HERC2: variants seen among roughly 807,000 people sequenced by gnomAD.
HERC2 encodes the protein E3 ubiquitin-protein ligase HERC2.
A neutral mutation model predicts 537.7 loss-of-function variants in HERC2; 102 were observed. That is an observed-to-expected ratio of 0.19 (90% CI 0.16 to 0.22). HERC2 has a LOEUF of 0.22. HERC2 is among the 10% of genes least tolerant of loss of function. The pLI is 1.00. For synonymous variants in HERC2, 2,224 were observed against 2,466.2 expected (o/e 0.90, Z 2.91); for missense variants, 4,236 against 6,198.2 (o/e 0.68, Z 10.63).
chr15:28,113,325 C>T lies in HERC2; in HGVS notation c.14020-42G>A, dbSNP rs1040250227. The T allele has an allele frequency of 2.5e-6, 4 of 1,586,644 alleles. No homozygotes were observed. The African/African-American group carries it at 4.0e-5, about 16-fold the overall frequency. On this transcript the variant is annotated intron_variant, in intron 91 of 92. Coordinates refer to ENST00000261609, the MANE Select transcript of HERC2 (RefSeq NM_004667.6). The surrounding 1 kb of genome is among the most constrained non-coding windows in gnomAD (Gnocchi z 7.0). Reference sequence around the variant, plus strand: ...GTCAGGGCCGCGTGATGCTTCCCACCCTGGCATTTCCGCAAGACTCCGTCA... The same window carrying T: ...GTCAGGGCCGCGTGATGCTTCCCACTCTGGCATTTCCGCAAGACTCCGTCA...
chr15:28,115,353 C>A, intron 89 of HERC2, 76 bp downstream of exon 89: 1 of 960,628 alleles, frequency 1.0e-6, no homozygotes. Flanking sequence ...GAGTTCACAG[C>A]CTGACCGGAC....
intron 21 of HERC2, among the ~76,000 whole-genome samples, chr15:28,247,622 G>T (rs1414438265): frequency 1.2e-4 from 18 of 151,896 alleles, no homozygotes. Flanking sequence ...TAGAGACGGG[G>T]TTTCACTATG....
chr15:28,186,487 GAC>G, intron 56 of HERC2, 88 bp downstream of exon 56: 1 of 1,031,096 alleles, frequency 9.7e-7, no homozygotes, highest in Non-Finnish European at 1.4e-6. Flanking sequence ...CTCAGTATGA[GAC>G]ACATTCTAAT....
At chr15:28,267,002 T>A (rs932751690) in intron 12 of HERC2, among the ~76,000 whole-genome samples, 14 of 152,214 alleles carry the variant, frequency 9.2e-5, no homozygotes, top group African/African-American at 3.4e-4. Context: ...ACTTTACAAA[T>A]GAAAAGTATG....
intron 39 of HERC2, 108 bp downstream of exon 39, chr15:28,215,513 A>G (rs1452267787): frequency 2.5e-6 from 2 of 812,738 alleles, no homozygotes; most frequent in East Asian, 2.7e-5. Context: ...TCACTTCTAG[A>G]CCCTTTCTGC....
At chr15:28,137,989 T>C (rs10162844) in intron 78 of HERC2, among the ~76,000 whole-genome samples, 5,631 of 152,306 alleles carry the variant, frequency 0.037, 331 homozygotes, top group African/African-American at 0.13. Flanking sequence ...TAGAGAATGT[T>C]TGGCATAGAC....
At position 28,209,623 on chromosome 15, in the gene HERC2, A is replaced by G. The variant is rs187673417; in HGVS notation, c.7069+1379T>C. Among the ~76,000 whole-genome samples, 329 of 152,256 alleles carry G rather than the reference A, an allele frequency of 2.2e-3. 2 individuals are homozygous for G. The highest frequency in any genetic ancestry group is 5.0e-3 in the South Asian group (24 of 4,820). On this transcript the variant is annotated intron_variant, in intron 44 of 92. Coordinates refer to ENST00000261609, the MANE Select transcript of HERC2 (RefSeq NM_004667.6). ...CTCCCAAAGTGCTGGGATTACAGGC[A>G]TGAGCCACCGCGCCAGGCCTATATA... is the stretch of plus-strand genomic sequence containing the variant.
chr15:28,124,286 G>T, intron 84 of HERC2, 52 bp from the exon 85 acceptor site: 2 of 1,209,664 alleles, frequency 1.7e-6, no homozygotes, highest in Non-Finnish European at 2.2e-6. Flanking sequence ...GCACACGGGG[G>T]CCAGTGTGGC....
chr15:28,249,515 G>A (rs1019699690), intron 20 of HERC2, among the ~76,000 whole-genome samples: 1 of 152,206 alleles, frequency 6.6e-6, no homozygotes, highest in Non-Finnish European at 1.5e-5. Context: ...CAAGAAACAA[G>A]GGCAGGAGAA....
At chr15:28,140,591 G>A (rs1891120648) in intron 78 of HERC2, among the ~76,000 whole-genome samples, 1 of 151,624 alleles carries the variant, frequency 6.6e-6, no homozygotes, top group South Asian at 2.1e-4. Context: ...GTGTGATCTC[G>A]GCTCACTGCA....
Position 28,220,506 on chromosome 15 carries a change from G to C in HERC2, c.5791C>G (p.Leu1931Val). The C allele has an allele frequency of 6.2e-7, 1 of 1,603,728 alleles. No homozygotes were observed. Among genetic ancestry groups the C allele is most frequent in the South Asian group, 1.1e-5 (1 of 90,994 alleles). The change falls in exon 37 of 93, where the codon CTG becomes GTG. Residue 1931 changes from leucine to valine, a missense_variant. Leu to Val is a conservative substitution (Grantham distance 32, BLOSUM62 1). Around this residue, in one of 27 missense-constraint regions of HERC2, gnomAD observed 365 missense variants for 468.8 expected, o/e 0.78. Transcript: ENST00000261609. ...GCTGAGGGCTGTGCAGCAGCCGGCA[G>C]CTCTGCCAGCTTGAGGTCGTATTTT... ...EGKYDLKLAE[L>V]PAAAQPSAED...
At chr15:28,162,839 C>G (rs1398539643) in intron 69 of HERC2, among the ~76,000 whole-genome samples, 1 of 152,144 alleles carries the variant, frequency 6.6e-6, no homozygotes, top group Non-Finnish European at 1.5e-5. Flanking sequence ...TGCAGTGAGT[C>G]GAGATGGCGC....
At position 28,214,821 on chromosome 15, in the gene HERC2, T is replaced by C. The variant is rs747642471; in HGVS notation, c.6211-19A>G. ...CTAAGATCTGATAAAAGAAAATTTA[T>C]AACGACAAGCATTAAAAAAAATCTG... On this transcript the variant is annotated intron_variant, in intron 39 of 92. Coordinates refer to ENST00000261609, the MANE Select transcript of HERC2 (RefSeq NM_004667.6). 1.3e-6 allele frequency: 2 copies of C among 1,596,530 alleles called. No homozygotes were observed. The highest frequency in any genetic ancestry group is 1.1e-5 in the South Asian group (1 of 88,954).
Position 28,176,652 on chromosome 15 carries a change from C to T in HERC2, c.9514+35G>A. 1.2e-6 allele frequency: 2 copies of T among 1,613,868 alleles called. No homozygotes were observed. The highest frequency in any genetic ancestry group is 1.7e-6 in the Non-Finnish European group (2 of 1,179,818). Reference sequence around the variant, plus strand: ...GGCCAGCGTTTCATATCATTCCTACCCACCCAGAAGCACAGAATCCTGCCA... The same window carrying T: ...GGCCAGCGTTTCATATCATTCCTACTCACCCAGAAGCACAGAATCCTGCCA... On this transcript the variant is annotated intron_variant, in intron 62 of 92. Transcript: ENST00000261609. The surrounding 1 kb of genome is among the most constrained non-coding windows in gnomAD (Gnocchi z 5.0).
chr15:28,277,268 T>C (rs1015830118), intron 5 of HERC2, among the ~76,000 whole-genome samples: 2 of 151,586 alleles, frequency 1.3e-5, no homozygotes, highest in Admixed American at 1.3e-4. Context: ...CCTGAAAAAA[T>C]TGCAAAGAAA....
rs192002103 is a variant in HERC2 at position 28,208,122 on chromosome 15, C to G, written c.7070-1740G>C. On this transcript the variant is annotated intron_variant, in intron 44 of 92. Transcript: ENST00000261609. ...GGGAAATCTTCATGTTCCCTATAAC[C>G]TCTACTATTAATTGATTCTATACTT... 6.3e-3 allele frequency among the ~76,000 whole-genome samples: 961 copies of G among 152,272 alleles called. 11 individuals are homozygous for G. The highest frequency in any genetic ancestry group is 0.021 in the African/African-American group (884 of 41,550).
intron 12 of HERC2, among the ~76,000 whole-genome samples, chr15:28,266,207 T>C (rs574083291): frequency 1.3e-5 from 2 of 152,092 alleles, no homozygotes; most frequent in African/African-American, 2.4e-5. Context: ...AATATAAAAA[T>C]AGTGTTTGTT....
chr15:28,320,967 A>T (rs1223764435), intron 2 of HERC2, among the ~76,000 whole-genome samples: 2 of 151,782 alleles, frequency 1.3e-5, no homozygotes, highest in African/African-American at 2.4e-5. Context: ...GTGAGTTTCT[A>T]TAGGCCATAA....
In HERC2 at chr15:28,143,859, A is replaced by G; in HGVS notation, c.11418+14T>C. The G allele has an allele frequency of 1.2e-6, 2 of 1,614,088 alleles. No individual in the cohort carries two copies. The highest frequency in any genetic ancestry group is 1.1e-5 in the South Asian group (1 of 91,086). ...GGGTCACAAATCTAGAAATTGTACT[A>G]GAATGCTCCATACCAAAGCTCTTGT... On this transcript the variant is annotated intron_variant, in intron 74 of 92. Coordinates refer to ENST00000261609, the MANE Select transcript of HERC2 (RefSeq NM_004667.6).
Sources: gnomAD v4.1 joint callset for allele counts (sites outside exome capture counted in the v4.1 genomes callset) on GRCh38, gnomAD v4.1.1 for gene constraint, gnomAD v4.1.1 regional missense constraint, Gnocchi (gnomAD v3.1) non-coding constraint, MANE v1.5 for transcripts, NCBI Gene and HGNC (gene_info 2026-07-23, HGNC 2026-07-21) for gene names.